Variants in CPQ observed in about 807,000 individuals in gnomAD.
CPQ encodes carboxypeptidase Q.
In CPQ, 37 loss-of-function variants were observed where a neutral mutation model predicts 45.7. The ratio of observed to expected loss-of-function variants is 0.81; its 90% CI spans 0.62 to 1.07. The LOEUF (loss-of-function observed/expected upper bound fraction) is 1.07, where lower values mean the gene tolerates loss of function less well. Among genes scored for constraint, CPQ ranks in the 50% least tolerant of loss-of-function variants. The pLI is 0.00. For missense variants in CPQ, 537 were observed against 572.9 expected, an observed-to-expected ratio of 0.94 and a Z score of 0.64; for synonymous variants, 186 against 205.8, an observed-to-expected ratio of 0.90 and a Z score of 0.82.
intron 6 of CPQ, among the ~76,000 whole-genome samples, chr8:97,049,892 A>G (rs1007183184): frequency 3.5e-4 from 54 of 152,212 alleles, no homozygotes; most frequent in Non-Finnish European, 7.6e-4. Context: ...TGTTTTGACA[A>G]GGTGCTAAAG....
chr8:96,964,015 G>A (rs1283195550), intron 4 of CPQ, among the ~76,000 whole-genome samples: 1 of 150,398 alleles, frequency 6.6e-6, no homozygotes, highest in Non-Finnish European at 1.5e-5. Context: ...CTATATTATT[G>A]CTATGGAGTG....
chr8:96,845,370 C>T (rs1005484612), intron 3 of CPQ, among the ~76,000 whole-genome samples: 1 of 152,158 alleles, frequency 6.6e-6, no homozygotes, highest in African/African-American at 2.4e-5. Flanking sequence ...AGATTGCTGG[C>T]ACAGGGCAGG....
At chr8:96,792,148 G>A (rs1810854203) in intron 2 of CPQ, among the ~76,000 whole-genome samples, 2 of 152,186 alleles carry the variant, frequency 1.3e-5, no homozygotes, top group Admixed American at 1.3e-4. Context: ...AGCTCTGCAA[G>A]TTATCTGTGG....
chr8:97,057,220 A>C (rs1810469030), intron 6 of CPQ, among the ~76,000 whole-genome samples: 1 of 152,214 alleles, frequency 6.6e-6, no homozygotes, highest in Admixed American at 6.5e-5. Flanking sequence ...TAACTGTTGA[A>C]TAAATACATT....
chr8:96,807,236 TTTTA>T (rs1418099092), intron 2 of CPQ, among the ~76,000 whole-genome samples: 1 of 152,010 alleles, frequency 6.6e-6, no homozygotes, highest in Admixed American at 6.5e-5. Flanking sequence ...TTTTTTTAAT[TTTTA>T]TTTTTTATTT....
intron 4 of CPQ, among the ~76,000 whole-genome samples, chr8:96,944,961 A>T (rs1472013447): frequency 6.6e-6 from 1 of 152,126 alleles, no homozygotes; most frequent in Non-Finnish European, 1.5e-5. Flanking sequence ...AAGCTACAGG[A>T]CTCACTTTAC....
intron 5 of CPQ, among the ~76,000 whole-genome samples, chr8:96,972,008 C>T (rs1813687507): frequency 6.6e-6 from 1 of 152,156 alleles, no homozygotes; most frequent in Admixed American, 6.5e-5. Context: ...ATCCACAGAC[C>T]CTTTGAAGGA....
chr8:96,937,249 G>C (rs1813065083), intron 4 of CPQ, among the ~76,000 whole-genome samples: 1 of 152,178 alleles, frequency 6.6e-6, no homozygotes, highest in Non-Finnish European at 1.5e-5. Context: ...AATCAGGAAA[G>C]CCTTGTCAGG....
chr8:96,736,694 G>A (rs1300947706), intron 1 of CPQ, among the ~76,000 whole-genome samples: 1 of 152,184 alleles, frequency 6.6e-6, no homozygotes. Flanking sequence ...TTAATCTGCT[G>A]TAATGAAGCT....
chr8:97,135,765 C>T (rs996580050), intron 7 of CPQ, among the ~76,000 whole-genome samples: 2 of 152,146 alleles, frequency 1.3e-5, no homozygotes, highest in Admixed American at 6.5e-5. Flanking sequence ...CAGCTGCTCG[C>T]CTGTGAATGC....
intron 2 of CPQ, among the ~76,000 whole-genome samples, chr8:96,790,769 G>T (rs114873868): frequency 0.011 from 1,706 of 152,200 alleles, 41 homozygotes; most frequent in African/African-American, 0.037. Flanking sequence ...GATGAATGTT[G>T]TCCTTTGCTG....
chr8:96,822,388 T>C (rs1215649860), intron 2 of CPQ, among the ~76,000 whole-genome samples: 1 of 152,042 alleles, frequency 6.6e-6, no homozygotes, highest in Non-Finnish European at 1.5e-5. Flanking sequence ...CTCTTTGACA[T>C]ACTGATTTCA....
intron 6 of CPQ, among the ~76,000 whole-genome samples, chr8:97,045,142 A>G (rs1413057336): frequency 2.0e-5 from 3 of 152,200 alleles, no homozygotes; most frequent in African/African-American, 7.2e-5. Context: ...GGCTCCACCC[A>G]GTTCGAGCTT....
At chr8:96,779,077 A>AAAAAAC (rs1378196364) in intron 1 of CPQ, among the ~76,000 whole-genome samples, 2 of 151,112 alleles carry the variant, frequency 1.3e-5, no homozygotes, top group Admixed American at 6.6e-5. Flanking sequence ...AAAAAAAAAA[A>AAAAAAC]AAAGGCATGT....
chr8:96,694,349 A>T (rs75257280), intron 1 of CPQ, among the ~76,000 whole-genome samples: 1 of 152,018 alleles, frequency 6.6e-6, no homozygotes, highest in Non-Finnish European at 1.5e-5. Flanking sequence ...AAAAAAAAAA[A>T]GACCCAATTA....
chr8:97,002,199 C>T (rs1011298223), intron 5 of CPQ, among the ~76,000 whole-genome samples: 1 of 151,656 alleles, frequency 6.6e-6, no homozygotes, highest in South Asian at 2.1e-4. Context: ...TTATTAATTT[C>T]TTCAAAGAAT....
At chr8:97,080,771 T>C (rs920814688) in intron 7 of CPQ, among the ~76,000 whole-genome samples, 1 of 152,188 alleles carries the variant, frequency 6.6e-6, no homozygotes, top group South Asian at 2.1e-4. Context: ...CTTAATTCTT[T>C]CCAGTTCATA....
chr8:96,771,108 T>A (rs967000728), intron 1 of CPQ, among the ~76,000 whole-genome samples: 1 of 146,262 alleles, frequency 6.8e-6, no homozygotes, highest in African/African-American at 2.5e-5. Flanking sequence ...TATATAAATA[T>A]ATATATTTAT....
chr8:96,937,104 C>T (rs947973693), intron 4 of CPQ, among the ~76,000 whole-genome samples: 2 of 152,020 alleles, frequency 1.3e-5, no homozygotes, highest in Admixed American at 6.6e-5. Flanking sequence ...CTTAGTCTTG[C>T]CCTCAAAAAG....
Sources: gnomAD v4.1 joint callset for allele counts (sites outside exome capture counted in the v4.1 genomes callset) on GRCh38, gnomAD v4.1.1 for gene constraint, MANE v1.5 for transcripts, NCBI Gene and HGNC (gene_info 2026-07-23, HGNC 2026-07-21) for gene names.